WDPCP: variants seen among roughly 807,000 people sequenced by gnomAD.
The protein encoded by WDPCP is WD repeat containing planar cell polarity effector, also known as WD repeat-containing and planar cell polarity effector protein fritz homolog.
In WDPCP, 71 loss-of-function variants were observed where a neutral mutation model predicts 93.1. That is an observed-to-expected ratio of 0.76 (90% confidence interval 0.63 to 0.93). The LOEUF is 0.93. Among genes scored for constraint, WDPCP ranks in the 40% least tolerant of loss-of-function variants. WDPCP has a pLI of 0.00. For missense variants in WDPCP, 844 were observed against 887.4 expected, an observed-to-expected ratio of 0.95 and a Z score of 0.62; for synonymous variants, 315 against 315.0, an observed-to-expected ratio of 1.00 and a Z score of 0.00.
At chr2:63,343,484 C>T (rs1450325838) in intron 12 of WDPCP, among the ~76,000 whole-genome samples, 1 of 152,106 alleles carries the variant, frequency 6.6e-6, no homozygotes, top group Non-Finnish European at 1.5e-5. Flanking sequence ...AAGATTCTCT[C>T]TTTGTCATTT....
upstream of WDPCP, among the ~76,000 whole-genome samples, chr2:63,591,837 G>A (rs1022126577): frequency 2.0e-5 from 3 of 152,156 alleles, no homozygotes; most frequent in East Asian, 1.9e-4. Context: ...TACTCACTAC[G>A]TACTGTTCTT....
At chr2:63,618,053 A>C (rs998745615) in intron 3 of WDPCP, among the ~76,000 whole-genome samples, 6 of 152,250 alleles carry the variant, frequency 3.9e-5, no homozygotes, top group African/African-American at 1.4e-4. Context: ...ATTGATAAAA[A>C]AATGCATTTT....
intron 3 of WDPCP, among the ~76,000 whole-genome samples, chr2:63,609,864 T>A (rs1709596986): frequency 6.6e-6 from 1 of 152,206 alleles, no homozygotes; most frequent in South Asian, 2.1e-4. Flanking sequence ...AGAGCAAGAT[T>A]GTCTTTTTAA....
At chr2:63,463,078 A>T (rs1345295591) in intron 6 of WDPCP, among the ~76,000 whole-genome samples, 1 of 151,988 alleles carries the variant, frequency 6.6e-6, no homozygotes, top group Non-Finnish European at 1.5e-5. Flanking sequence ...GGCCTTGAGG[A>T]ATTCCAACAT....
chr2:63,217,623 A>G (rs1348412411), intron 14 of WDPCP, among the ~76,000 whole-genome samples: 1 of 152,198 alleles, frequency 6.6e-6, no homozygotes, highest in Admixed American at 6.5e-5. Flanking sequence ...CTCCTGAACT[A>G]AAACTTTACC....
intron 2 of WDPCP, chr2:63,813,495 C>G (rs1670888993): frequency 6.6e-6 from 1 of 152,232 alleles, no homozygotes. Flanking sequence ...GTGTTCTACA[C>G]TTCATGGAGC....
chr2:63,584,094 C>T (rs904314523), intron 1 of WDPCP, among the ~76,000 whole-genome samples: 5 of 151,984 alleles, frequency 3.3e-5, no homozygotes, highest in African/African-American at 7.2e-5. Flanking sequence ...CAGGAAATCG[C>T]GGCTACAGTG....
rs867464415 is a variant in WDPCP, at chr2:63,752,167, T to G, written n.308+61455A>C. 6.1e-5 allele frequency: 39 copies of G among 640,886 alleles called. No individual in the cohort carries two copies. The Middle Eastern group carries it at 1.8e-3, about 30-fold the overall frequency. 39.7% of individuals were successfully genotyped at this position (640,886 alleles called of 1,614,324 possible). Reference sequence around the variant, plus strand: ...AATGACAATTTTATCCACGGAGTCATGGTCATCAAAGCTTATAAAGACAAA... The same window carrying G: ...AATGACAATTTTATCCACGGAGTCAGGGTCATCAAAGCTTATAAAGACAAA... On this transcript the variant is annotated intron_variant and non_coding_transcript_variant, in intron 2 of 4. Transcript: ENST00000467687.
At chr2:63,400,029 T>C (rs534628248) in intron 10 of WDPCP, among the ~76,000 whole-genome samples, 34 of 151,922 alleles carry the variant, frequency 2.2e-4, no homozygotes, top group Non-Finnish European at 3.8e-4. Context: ...AAATCTAACT[T>C]TGTACCATAG....
At chr2:63,421,149 C>T (rs1039582027) in intron 9 of WDPCP, among the ~76,000 whole-genome samples, 4 of 152,066 alleles carry the variant, frequency 2.6e-5, no homozygotes, top group Non-Finnish European at 4.4e-5. Flanking sequence ...CAAATGGATA[C>T]CTCTCTTATT....
intron 10 of WDPCP, among the ~76,000 whole-genome samples, chr2:63,382,662 A>G (rs534400868): frequency 1.3e-5 from 2 of 151,942 alleles, no homozygotes; most frequent in African/African-American, 2.4e-5. Context: ...TATTACTATC[A>G]TCATCATCAT....
At chr2:63,599,523 T>C (rs1409538554) in intron 3 of WDPCP, 1 of 319,438 alleles carries the variant, frequency 3.1e-6, no homozygotes, top group Non-Finnish European at 5.8e-6. Flanking sequence ...TCTTTAACTA[T>C]ATTTCAATTG....
chr2:63,773,088 T>G (rs1179816532), intron 2 of WDPCP, among the ~76,000 whole-genome samples: 1 of 152,094 alleles, frequency 6.6e-6, no homozygotes, highest in Non-Finnish European at 1.5e-5. Context: ...TTTATATAAT[T>G]TCACTCCTAT....
intron 14 of WDPCP, among the ~76,000 whole-genome samples, chr2:63,227,239 G>C (rs371741290): frequency 7.9e-5 from 12 of 151,814 alleles, no homozygotes; most frequent in Non-Finnish European, 1.5e-4. Context: ...TAGTTCTAGA[G>C]GAATTGTAGA....
intron 2 of WDPCP, among the ~76,000 whole-genome samples, chr2:63,703,047 GA>G (rs1404307528): frequency 6.6e-6 from 1 of 152,160 alleles, no homozygotes; most frequent in African/African-American, 2.4e-5. Context: ...CAAAGGACAT[GA>G]ACTCATCATT....
At chr2:63,376,997 G>C (rs942030681) in intron 12 of WDPCP, among the ~76,000 whole-genome samples, 1 of 151,710 alleles carries the variant, frequency 6.6e-6, no homozygotes, top group African/African-American at 2.4e-5. Flanking sequence ...CTTTTTGGCA[G>C]TTAAAAATAG....
intron 1 of WDPCP, among the ~76,000 whole-genome samples, chr2:63,517,249 T>C (rs1046670984): frequency 6.6e-6 from 1 of 151,868 alleles, no homozygotes; most frequent in African/African-American, 2.4e-5. Flanking sequence ...TCATATATTA[T>C]GTATAATATT....
intron 2 of WDPCP, among the ~76,000 whole-genome samples, chr2:63,743,626 C>T (rs1669755976): frequency 6.6e-6 from 1 of 151,856 alleles, no homozygotes; most frequent in East Asian, 1.9e-4. Context: ...CATGACAGTC[C>T]ACAGCATTAA....
At chr2:63,554,814 G>A (rs551854124) in intron 1 of WDPCP, among the ~76,000 whole-genome samples, 1 of 152,176 alleles carries the variant, frequency 6.6e-6, no homozygotes, top group Non-Finnish European at 1.5e-5. Flanking sequence ...GGACTGACTA[G>A]GCAGCTGGTG....
Sources: allele counts gnomAD v4.1 joint callset (sites outside exome capture counted in the v4.1 genomes callset), GRCh38; gene constraint gnomAD v4.1.1; transcripts MANE v1.5; gene names NCBI Gene and HGNC (gene_info 2026-07-23, HGNC 2026-07-21).